The following TMEM135 variants were observed in gnomAD, a reference collection of about 807,000 sequenced individuals.
TMEM135 encodes the protein transmembrane protein 135.
TMEM135 carries 30 observed loss-of-function variants against 60.3 expected under a neutral mutation model. The ratio of observed to expected loss-of-function variants is 0.50; its 90% CI spans 0.37 to 0.68. The LOEUF (loss-of-function observed/expected upper bound fraction) is 0.68, where lower values mean the gene tolerates loss of function less well. Ranked by LOEUF, TMEM135 falls within the 30% of genes least tolerant of loss-of-function variation. TMEM135 has a pLI of 0.00. For missense variants in TMEM135, 468 were observed against 548.8 expected (o/e 0.85, Z 1.47); for synonymous variants, 190 against 186.7 (o/e 1.02, Z -0.14).
intron 6 of TMEM135, among the ~76,000 whole-genome samples, chr11:87,268,711 A>C (rs1323152537): frequency 6.6e-6 from 1 of 151,904 alleles, no homozygotes. Flanking sequence ...AACCCAATTT[A>C]CTAATGTTGT....
rs1222807893 is a variant in TMEM135, at chr11:87,222,041, A to G, written c.463-14597A>G. On this transcript the variant is annotated intron_variant, in intron 5 of 14. Transcript: ENST00000305494. ...TACTAAAAATACAAAAAAATTAGCC[A>G]GGCGGTGGTGGGCGCCTGTAATCCC... Among the ~76,000 whole-genome samples the G allele has an allele frequency of 2.0e-5, 3 of 151,474 alleles. No individual in the cohort carries two copies. The East Asian group carries it at 5.9e-4, about 30-fold the overall frequency.
chr11:87,107,027 A>G (rs1857613996), intron 4 of TMEM135, among the ~76,000 whole-genome samples: 1 of 152,210 alleles, frequency 6.6e-6, no homozygotes, highest in Non-Finnish European at 1.5e-5. Context: ...TATCACGAAG[A>G]CAGCACCAAG....
rs1942605706 is a variant in TMEM135, at chr11:87,309,491, CA to C, written c.769-11del. 6.2e-7 allele frequency: 1 copy of C among 1,613,012 alleles called. No individual in the cohort carries two copies. Among genetic ancestry groups the C allele is most frequent in the Non-Finnish European group, 8.5e-7 (1 of 1,179,466 alleles). The stretch of plus-strand genomic sequence containing the variant: ...TTTGTTTGTAAATCAGGTTTTTCTC[CA>C]AATTTCCTCTAGGGTTTCATCAGAA... On this transcript the variant is annotated splice_polypyrimidine_tract_variant and intron_variant, in intron 9 of 14. Transcript: ENST00000305494.
Position 87,037,957 on chromosome 11 carries a change from C to T in TMEM135, c.-89C>T, listed in dbSNP as rs758945256. The T allele has an allele frequency of 2.5e-6, 4 of 1,590,350 alleles. No individual in the cohort carries two copies. Among genetic ancestry groups the T allele is most frequent in the Admixed American group, 3.3e-5 (2 of 59,974 alleles). ...CCATTCCGCACCTCCGAGTGCTGGC[C>T]GGGCGAGAGGCTGGCGGCTGGGCTC... On this transcript the variant is annotated 5_prime_UTR_variant, in exon 1 of 15. Transcript: ENST00000305494.
intron 5 of TMEM135, among the ~76,000 whole-genome samples, chr11:87,163,518 A>T (rs1244175174): frequency 1.3e-5 from 2 of 151,954 alleles, no homozygotes; most frequent in African/African-American, 2.4e-5. Flanking sequence ...GTGTCTTTAT[A>T]GCAGCATGAT....
intron 4 of TMEM135, among the ~76,000 whole-genome samples, chr11:87,139,255 G>A (rs1054719417): frequency 3.9e-5 from 6 of 152,130 alleles, no homozygotes; most frequent in Non-Finnish European, 7.3e-5. Flanking sequence ...CTACTTTTGG[G>A]TGGGACTGGG....
At chr11:87,290,473 C>T (rs1942244929) in intron 6 of TMEM135, among the ~76,000 whole-genome samples, 1 of 152,082 alleles carries the variant, frequency 6.6e-6, no homozygotes, top group Non-Finnish European at 1.5e-5. Context: ...CAAATTCTTC[C>T]AAAAACAGTT....
At chr11:87,137,266 TAA>T (rs11424292) in intron 4 of TMEM135, among the ~76,000 whole-genome samples, 1 of 147,004 alleles carries the variant, frequency 6.8e-6, no homozygotes. Context: ...TGCCTATATC[TAA>T]AAAAAAAAAA....
chr11:87,258,913 CCTAGAAGTAT>C (rs1310041904), intron 6 of TMEM135: 3 of 1,290,552 alleles, frequency 2.3e-6, no homozygotes, highest in Non-Finnish European at 3.4e-6. Context: ...TGTGTTAGGC[CCTAGAAGTAT>C]CTGCTGCTGC....
intron 9 of TMEM135, among the ~76,000 whole-genome samples, chr11:87,308,460 G>A (rs181064521): frequency 7.9e-5 from 12 of 152,202 alleles, no homozygotes; most frequent in African/African-American, 2.9e-4. Context: ...TAAGGCATTA[G>A]GTAGTTTCAG....
intron 1 of TMEM135, among the ~76,000 whole-genome samples, chr11:87,053,483 G>T (rs1202781011): frequency 6.6e-6 from 1 of 152,120 alleles, no homozygotes; most frequent in African/African-American, 2.4e-5. Flanking sequence ...TTACTTAGGT[G>T]GTAGGCAGGT....
intron 4 of TMEM135, among the ~76,000 whole-genome samples, chr11:87,117,215 A>G (rs1484612434): frequency 6.6e-6 from 1 of 152,236 alleles, no homozygotes; most frequent in African/African-American, 2.4e-5. Flanking sequence ...GGAAGTCATA[A>G]TCTTTGGAAG....
intron 10 of TMEM135, among the ~76,000 whole-genome samples, chr11:87,310,315 T>C (rs1338681867): frequency 6.6e-6 from 1 of 152,190 alleles, no homozygotes; most frequent in Non-Finnish European, 1.5e-5. Context: ...CTTTAAGTGA[T>C]GGCCTTTTGC....
At chr11:87,281,271 A>G (rs78625784) in intron 6 of TMEM135, among the ~76,000 whole-genome samples, 2,443 of 152,328 alleles carry the variant, frequency 0.016, 74 homozygotes, top group African/African-American at 0.056. Context: ...GAAATAGTTA[A>G]TATAAAAATG....
chr11:87,323,114 C>T lies in TMEM135; in HGVS notation c.*1781C>T. ...GTTTTAATTCATAAATTATTGTTTT[C>T]ATTGACATTAAAAGACTGTGATATT... is the stretch of plus-strand genomic sequence containing the variant. On this transcript the variant is annotated 3_prime_UTR_variant, in exon 15 of 15. Transcript: ENST00000305494. The T allele has an allele frequency of 2.2e-6, 1 of 453,608 alleles. No individual in the cohort carries two copies. Among genetic ancestry groups the T allele is most frequent in the Non-Finnish European group, 4.4e-6 (1 of 226,568 alleles). The allele number at this position is 453,608 out of a possible 1,614,324, so 28.1% of individuals were successfully genotyped here. A position where few individuals can be genotyped will look rare whatever the true frequency, so the allele number is the denominator to read the frequency against.
intron 5 of TMEM135, among the ~76,000 whole-genome samples, chr11:87,210,878 G>A (rs1940353100): frequency 6.6e-6 from 1 of 152,074 alleles, no homozygotes; most frequent in South Asian, 2.1e-4. Flanking sequence ...CATATGAATG[G>A]GATTAAGAAT....
At chr11:87,296,724 T>G (rs1300912823) in intron 7 of TMEM135, among the ~76,000 whole-genome samples, 3 of 152,200 alleles carry the variant, frequency 2.0e-5, no homozygotes. Flanking sequence ...TGTTGGATAT[T>G]ATTTTTGTTA....
At chr11:87,316,454 A>T (rs887294166) in intron 12 of TMEM135, among the ~76,000 whole-genome samples, 1 of 152,042 alleles carries the variant, frequency 6.6e-6, no homozygotes, top group Non-Finnish European at 1.5e-5. Flanking sequence ...AGTTTTAAGC[A>T]TGGAAATGAC....
chr11:87,254,312 C>A (rs1027020918), intron 6 of TMEM135, among the ~76,000 whole-genome samples: 9 of 152,058 alleles, frequency 5.9e-5, no homozygotes, highest in Admixed American at 2.0e-4. Context: ...TTTTCATTGA[C>A]TTAATTAAAA....
Sources: gnomAD v4.1 joint callset for allele counts (sites outside exome capture counted in the v4.1 genomes callset) on GRCh38, gnomAD v4.1.1 for gene constraint, MANE v1.5 for transcripts, NCBI Gene and HGNC (gene_info 2026-07-23, HGNC 2026-07-21) for gene names.